Variants in CDON observed in about 807,000 individuals in gnomAD.
The protein encoded by CDON is cell adhesion molecule-related/down-regulated by oncogenes.
Under a neutral mutation model 120.9 loss-of-function variants are expected in CDON, and 73 were observed. That is an observed-to-expected ratio of 0.60 (90% CI 0.50 to 0.73). CDON has a LOEUF of 0.73. Ranked by LOEUF, CDON falls within the 30% of genes least tolerant of loss-of-function variation. The pLI is 0.00. For missense variants in CDON, 1,470 were observed against 1,587.3 expected, an observed-to-expected ratio of 0.93 and a Z score of 1.26; for synonymous variants, 566 against 573.5, an observed-to-expected ratio of 0.99 and a Z score of 0.19.
intron 1 of CDON, among the ~76,000 whole-genome samples, chr11:126,041,754 T>A (rs1463276320): frequency 6.6e-6 from 1 of 152,232 alleles, no homozygotes; most frequent in Non-Finnish European, 1.5e-5. Flanking sequence ...TTAAATTTGG[T>A]AAATATGTAA....
chr11:126,008,460 T>A (rs1947191223), intron 8 of CDON, among the ~76,000 whole-genome samples: 1 of 152,188 alleles, frequency 6.6e-6, no homozygotes. Context: ...TTACCATACA[T>A]AAAAGTAGTA....
chr11:126,026,172 C>T (rs1230137080), intron 1 of CDON, among the ~76,000 whole-genome samples: 1 of 152,208 alleles, frequency 6.6e-6, no homozygotes, highest in Non-Finnish European at 1.5e-5. Context: ...TGAGAACTGC[C>T]ATCTCATCTG....
At chr11:126,011,727 G>C (rs549229291) in intron 7 of CDON, among the ~76,000 whole-genome samples, 25 of 152,180 alleles carry the variant, frequency 1.6e-4, no homozygotes, top group Non-Finnish European at 2.5e-4. Flanking sequence ...TTTCAATGTG[G>C]TCATCCTTTA....
chr11:126,022,650 G>A (rs1947674994), intron 2 of CDON, among the ~76,000 whole-genome samples: 1 of 152,096 alleles, frequency 6.6e-6, no homozygotes, highest in Admixed American at 6.5e-5. Context: ...TGAAGTTAAG[G>A]GGAAGTATCT....
chr11:126,042,064 A>G (rs573708596), intron 1 of CDON, among the ~76,000 whole-genome samples: 1 of 152,178 alleles, frequency 6.6e-6, no homozygotes, highest in Admixed American at 6.5e-5. Context: ...TTGTATTTTT[A>G]GTAGAAACGG....
intron 14 of CDON, among the ~76,000 whole-genome samples, chr11:125,990,763 A>G (rs1271456041): frequency 1.3e-5 from 2 of 152,212 alleles, no homozygotes; most frequent in South Asian, 2.1e-4. Flanking sequence ...AAATATTTCA[A>G]TCTGAAAGTA....
rs754978385 is a variant in CDON, at chr11:125,994,975, G to C, written c.2440C>G (p.Gln814Glu). 3 of 1,613,964 alleles carry C rather than the reference G, an allele frequency of 1.9e-6. No homozygotes were observed. The highest frequency in any genetic ancestry group is 2.5e-6 in the Non-Finnish European group (3 of 1,179,938). Residue 814 changes from glutamine to glutamate, a missense_variant, in exon 13 of 20, where the codon CAA becomes GAA. By Grantham distance (29) the Gln-to-Glu change is conservative. Transcript: ENST00000531738. The part of the protein sequence containing the change: ...SFRSSASRPY[Q>E]VVGFPNRFSS... ...AAGCGATTGGGGAACCCAACCACTT[G>C]ATAAGGACGAGATGCTGAACTCCGA... is the stretch of plus-strand genomic sequence containing the variant.
Position 125,981,175 on chromosome 11 carries a change from G to GT in CDON, c.3149dup (p.His1050GlnfsTer3). The GT allele has an allele frequency of 6.2e-7, 1 of 1,614,184 alleles. No individual in the cohort carries two copies. The highest frequency in any genetic ancestry group is 8.5e-7 in the Non-Finnish European group (1 of 1,180,028). The stretch of plus-strand genomic sequence containing the variant: ...CATTGACTGCATTGGGGACCTTATG[G>GT]TGAAGGTGGGAATAGCCACTGCTGA... On this transcript the variant is annotated frameshift_variant, in exon 17 of 20. Transcript: ENST00000531738. LOFTEE classifies it high-confidence loss of function.
chr11:125,975,562 C>T (rs542904029), intron 18 of CDON, among the ~76,000 whole-genome samples: 1 of 152,158 alleles, frequency 6.6e-6, no homozygotes, highest in Non-Finnish European at 1.5e-5. Context: ...ACTTCACAGC[C>T]GATCAAATTA....
chr11:125,977,263 T>C (rs1946173329), intron 18 of CDON, among the ~76,000 whole-genome samples: 1 of 152,064 alleles, frequency 6.6e-6, no homozygotes, highest in Non-Finnish European at 1.5e-5. Context: ...CTGAAATGGG[T>C]TAAGTAAATG....
At chr11:126,003,271 T>C (rs1386677449) in intron 10 of CDON, among the ~76,000 whole-genome samples, 1 of 152,216 alleles carries the variant, frequency 6.6e-6, no homozygotes, top group East Asian at 1.9e-4. Context: ...AATACTGTCT[T>C]GTAGTTGGTA....
chr11:125,982,047 G>A (rs1946328272), intron 16 of CDON, among the ~76,000 whole-genome samples: 2 of 128,616 alleles, frequency 1.6e-5, no homozygotes, highest in Admixed American at 1.9e-4. Context: ...GCAATGGCGT[G>A]ATCTTGGCTC....
intron 18 of CDON, among the ~76,000 whole-genome samples, chr11:125,967,542 G>A (rs1194577767): frequency 6.6e-6 from 1 of 152,150 alleles, no homozygotes; most frequent in African/African-American, 2.4e-5. Context: ...AGCACAGTCA[G>A]GTACTTAATG....
chr11:125,997,832 A>G (rs900590015), intron 11 of CDON, among the ~76,000 whole-genome samples: 1 of 152,214 alleles, frequency 6.6e-6, no homozygotes, highest in African/African-American at 2.4e-5. Context: ...GCACTCAGCA[A>G]TCTACTAATT....
At chr11:126,050,828 C>T (rs888908464) in intron 1 of CDON, among the ~76,000 whole-genome samples, 2 of 152,144 alleles carry the variant, frequency 1.3e-5, no homozygotes, top group African/African-American at 4.8e-5. Flanking sequence ...GGCACACACA[C>T]AGACAAGGAC....
chr11:125,973,869 T>C (rs1946072152), intron 18 of CDON, among the ~76,000 whole-genome samples: 1 of 152,178 alleles, frequency 6.6e-6, no homozygotes, highest in African/African-American at 2.4e-5. Flanking sequence ...CCAGATTTAA[T>C]TACATATTCA....
intron 9 of CDON, chr11:126,004,430 T>C: frequency 3.4e-6 from 1 of 296,328 alleles, no homozygotes; most frequent in Non-Finnish European, 6.5e-6. Context: ...AAATAATAGG[T>C]ATCATTGGTA....
intron 18 of CDON, among the ~76,000 whole-genome samples, chr11:125,976,770 G>C (rs1946161545): frequency 6.6e-6 from 1 of 152,140 alleles, no homozygotes; most frequent in South Asian, 2.1e-4. Context: ...GCAGGAAATT[G>C]CCAGAGACTA....
chr11:126,015,388 G>T lies in CDON; in HGVS notation c.1051C>A (p.Pro351Thr), dbSNP rs35665264. 6.2e-7 allele frequency: 1 copy of T among 1,614,146 alleles called. No individual in the cohort carries two copies. Among genetic ancestry groups the T allele is most frequent in the Non-Finnish European group, 8.5e-7 (1 of 1,180,034 alleles). ...PNCTWFHNAQ[P>T]IHPSARHLTA... Reference sequence around the variant, plus strand: ...AGATGTCGTGCAGAAGGATGAATAGGCTGTGCATTGTGAAACCAGGTACAG... The same window carrying T: ...AGATGTCGTGCAGAAGGATGAATAGTCTGTGCATTGTGAAACCAGGTACAG... Residue 351 changes from proline (P) to threonine (T), a missense_variant, in exon 7 of 20, where the codon CCT (proline) becomes ACT (threonine). Pro to Thr is a conservative substitution (Grantham distance 38, BLOSUM62 -1). Coordinates refer to ENST00000531738, the MANE Select transcript of CDON (RefSeq NM_001378964.1).
Sources: gnomAD v4.1 joint callset for allele counts (sites outside exome capture counted in the v4.1 genomes callset) on GRCh38, gnomAD v4.1.1 for gene constraint, MANE v1.5 for transcripts, NCBI Gene and HGNC (gene_info 2026-07-23, HGNC 2026-07-21) for gene names.